BEST3: variants seen among roughly 807,000 people sequenced by gnomAD.
BEST3 encodes the protein bestrophin-3.
BEST3 carries 50 observed loss-of-function variants against 47.1 expected under a neutral mutation model. That is an observed-to-expected ratio of 1.06 (90% CI 0.85 to 1.34). BEST3 has a LOEUF of 1.34. BEST3 is among the 40% of genes most tolerant of loss of function. BEST3 has a pLI of 0.00. For synonymous variants in BEST3, 282 were observed against 298.8 expected (o/e 0.94, Z 0.58); for missense variants, 765 against 817.0 (o/e 0.94, Z 0.78).
intron 7 of BEST3, among the ~76,000 whole-genome samples, chr12:69,676,704 T>C (rs1281999381): frequency 6.6e-6 from 1 of 152,234 alleles, no homozygotes; most frequent in African/African-American, 2.4e-5. Flanking sequence ...AAGAGTGTTC[T>C]TCTAATGTCT....
intron 9 of BEST3, among the ~76,000 whole-genome samples, chr12:69,645,953 T>G (rs978378796): frequency 6.6e-6 from 1 of 152,188 alleles, no homozygotes; most frequent in African/African-American, 2.4e-5. Flanking sequence ...ATTTATTTAT[T>G]TGAGATGGAG....
rs76517321 is a variant in BEST3 at position 69,664,185 on chromosome 12, C to A, written c.1100+7243G>T. Among the ~76,000 whole-genome samples, 684 of 152,216 alleles carry A rather than the reference C, an allele frequency of 4.5e-3. 6 individuals carry two copies. Among genetic ancestry groups the A allele is most frequent in the African/African-American group, 0.016 (674 of 41,536 alleles). On this transcript the variant is annotated intron_variant, in intron 9 of 9. Coordinates refer to ENST00000330891, the MANE Select transcript of BEST3 (RefSeq NM_032735.3). Reference sequence around the variant, plus strand: ...CATGCCCCATGCAAAGATCAAGAGACGGAACTTCAGCACTGGTTTGGTGTT... The same window carrying A: ...CATGCCCCATGCAAAGATCAAGAGAAGGAACTTCAGCACTGGTTTGGTGTT...
intron 7 of BEST3, 85 bp from the exon 8 acceptor site, chr12:69,673,050 C>G (rs1357846093): frequency 9.5e-7 from 1 of 1,057,060 alleles, no homozygotes; most frequent in Non-Finnish European, 1.4e-6. Flanking sequence ...GTTTTCCTCT[C>G]TGCTTCCTTG....
intron 7 of BEST3, among the ~76,000 whole-genome samples, chr12:69,674,030 C>G (rs1884745476): frequency 6.6e-6 from 1 of 151,832 alleles, no homozygotes; most frequent in Admixed American, 6.6e-5. Context: ...TGAAAAATTT[C>G]CCTTGGTTTT....
chr12:69,669,316 T>A (rs1287199577), intron 9 of BEST3, among the ~76,000 whole-genome samples: 2 of 152,202 alleles, frequency 1.3e-5, no homozygotes, highest in African/African-American at 4.8e-5. Flanking sequence ...AGTGAGCTTT[T>A]GCCTAATTGT....
At chr12:69,694,133 A>G (rs186487223) in intron 3 of BEST3, 2 of 569,746 alleles carry the variant, frequency 3.5e-6, no homozygotes, top group African/African-American at 3.7e-5. Context: ...GCAAAAATGG[A>G]GAGTTAGTGA....
chr12:69,691,882 T>C (rs1404532547), intron 4 of BEST3, among the ~76,000 whole-genome samples: 1 of 152,200 alleles, frequency 6.6e-6, no homozygotes, highest in Admixed American at 6.5e-5. Context: ...TGCTGCAACT[T>C]GAAGACTAAT....
At position 69,691,062 on chromosome 12, in the gene BEST3, C is replaced by T. The variant is rs563671242; in HGVS notation, c.481+2612G>A. Among the ~76,000 whole-genome samples, 4 of 152,206 alleles carry T rather than the reference C, an allele frequency of 2.6e-5. No homozygotes were observed. The East Asian group carries it at 7.7e-4, about 29-fold the overall frequency. On this transcript the variant is annotated intron_variant, in intron 4 of 9. Coordinates refer to ENST00000330891, the MANE Select transcript of BEST3 (RefSeq NM_032735.3). ...CCCTTCTTCCTTATTTCAACCTTGA[C>T]ATTCACAACCTCTTGATCAAAGTAG...
chr12:69,663,387 A>C (rs1883985278), intron 9 of BEST3, among the ~76,000 whole-genome samples: 2 of 152,226 alleles, frequency 1.3e-5, no homozygotes, highest in Admixed American at 1.3e-4. Flanking sequence ...TTATTGTCCC[A>C]GGAAAACTCA....
chr12:69,678,455 C>T (rs962442307), intron 5 of BEST3, among the ~76,000 whole-genome samples: 4 of 152,034 alleles, frequency 2.6e-5, no homozygotes, highest in Admixed American at 1.3e-4. Context: ...GAGCCCTTGG[C>T]GACCCTTGGC....
chr12:69,672,834 C>T (rs564101346), intron 8 of BEST3, 51 bp downstream of exon 8: 42 of 1,335,536 alleles, frequency 3.1e-5, no homozygotes, highest in South Asian at 1.2e-4. Flanking sequence ...TTTGAAATAT[C>T]GCAAGTGATT....
rs1248389372 is a variant in BEST3 at position 69,653,750 on chromosome 12, G to C, written c.*1157C>G. On this transcript the variant is annotated 3_prime_UTR_variant, in exon 10 of 10. Transcript: ENST00000330891. ...CAGCTGTCCTGAGAGCTCCCTGGGA[G>C]GAGTACCAACATCCGATCCCCATTA... 1.0e-6 allele frequency: 1 copy of C among 985,270 alleles called. No homozygotes were observed. Among genetic ancestry groups the C allele is most frequent in the Non-Finnish European group, 1.2e-6 (1 of 829,968 alleles). The allele number at this position is 985,270 out of a possible 1,614,324, so 61.0% of individuals were successfully genotyped here. A position where few individuals can be genotyped will look rare whatever the true frequency, so the allele number is the denominator to read the frequency against.
intron 2 of BEST3, among the ~76,000 whole-genome samples, chr12:69,694,763 GGTAT>G (rs1453486243): frequency 6.6e-6 from 1 of 151,992 alleles, no homozygotes; most frequent in Non-Finnish European, 1.5e-5. Flanking sequence ...TTTAGAGCAA[GGTAT>G]GTTACAAAAT....
chr12:69,677,646 T>A (rs772784533), intron 5 of BEST3, among the ~76,000 whole-genome samples: 2 of 152,112 alleles, frequency 1.3e-5, no homozygotes, highest in Non-Finnish European at 2.9e-5. Flanking sequence ...CTGGGCTTGG[T>A]GGCACACGCC....
Position 69,654,503 on chromosome 12 carries a change from G to A in BEST3, c.*404C>T. On this transcript the variant is annotated 3_prime_UTR_variant, in exon 10 of 10. Transcript: ENST00000330891. ...TTATGGCTAAAGAAAAAAAGAAAGA[G>A]AAAAAAGAAGAGAAATAGAGAACCC... The A allele has an allele frequency of 1.0e-6, 1 of 990,166 alleles. No homozygotes were observed. Among genetic ancestry groups the A allele is most frequent in the Non-Finnish European group, 1.2e-6 (1 of 833,288 alleles). 61.3% of individuals were successfully genotyped at this position (990,166 alleles called of 1,614,324 possible). A position where few individuals can be genotyped will look rare whatever the true frequency, so the allele number is the denominator to read the frequency against.
intron 2 of BEST3, among the ~76,000 whole-genome samples, chr12:69,697,379 A>AT (rs1351383455): frequency 9.9e-5 from 15 of 152,198 alleles, no homozygotes; most frequent in African/African-American, 2.9e-4. Flanking sequence ...TAATCCTTCC[A>AT]TTTTGTGCCT....
Position 69,697,760 on chromosome 12 carries a change from AG to A in BEST3, c.38del (p.Thr13IlefsTer34), listed in dbSNP as rs760521580. 1.2e-6 allele frequency: 2 copies of A among 1,613,184 alleles called. No individual in the cohort carries two copies. Among genetic ancestry groups the A allele is most frequent in the South Asian group, 2.2e-5 (2 of 90,868 alleles). ...GGAGTAACCTATGAAATCCAAAAAA[AG>A]TTGCATTTGCTACTTTACTGGAGTA... ...VTYSSKVANA[T>X]FFGFHRLLLK... On this transcript the variant is annotated frameshift_variant, in exon 2 of 10. Coordinates refer to ENST00000330891, the MANE Select transcript of BEST3 (RefSeq NM_032735.3). LOFTEE classifies it high-confidence loss of function.
At chr12:69,678,242 T>A (rs909329318) in intron 5 of BEST3, among the ~76,000 whole-genome samples, 3 of 151,630 alleles carry the variant, frequency 2.0e-5, no homozygotes, top group African/African-American at 7.3e-5. Flanking sequence ...ATAAAAAAAA[T>A]TTTTTTCAGA....
chr12:69,657,221 C>T (rs1238189110), intron 9 of BEST3, among the ~76,000 whole-genome samples: 1 of 151,946 alleles, frequency 6.6e-6, no homozygotes, highest in Non-Finnish European at 1.5e-5. Context: ...TCAGCCTCCC[C>T]AGTAGCTGGG....
Sources: gnomAD v4.1 joint callset for allele counts (sites outside exome capture counted in the v4.1 genomes callset) on GRCh38, gnomAD v4.1.1 for gene constraint, MANE v1.5 for transcripts, NCBI Gene and HGNC (gene_info 2026-07-23, HGNC 2026-07-21) for gene names.